GRAMD1C: variants seen among roughly 807,000 people sequenced by gnomAD.
The protein encoded by GRAMD1C is protein Aster-C.
GRAMD1C carries 89 observed loss-of-function variants against 97.8 expected under a neutral mutation model. That is an observed-to-expected ratio of 0.91 (90% CI 0.77 to 1.09). The LOEUF is 1.09. Ranked by LOEUF, GRAMD1C falls within the 50% of genes least tolerant of loss-of-function variation. The pLI, the probability that GRAMD1C is intolerant of heterozygous loss-of-function variation, is 0.00. For missense variants in GRAMD1C, 740 were observed against 766.4 expected (o/e 0.97, Z 0.41); for synonymous variants, 256 against 267.0 (o/e 0.96, Z 0.40).
At chr3:113,832,456 C>A (rs1709571850) in intron 1 of GRAMD1C, among the ~76,000 whole-genome samples, 1 of 152,120 alleles carries the variant, frequency 6.6e-6, no homozygotes. Context: ...GTAAAATATA[C>A]ACAAGATAAA....
chr3:113,866,563 T>G (rs1393595710), intron 2 of GRAMD1C, among the ~76,000 whole-genome samples: 1 of 152,242 alleles, frequency 6.6e-6, no homozygotes, highest in Non-Finnish European at 1.5e-5. Context: ...ATAACCATTT[T>G]GCTATTTATG....
intron 17 of GRAMD1C, 41 bp downstream of exon 17, chr3:113,940,386 C>T (rs750447756): frequency 1.4e-5 from 15 of 1,058,712 alleles, no homozygotes; most frequent in Non-Finnish European, 4.4e-6. Context: ...TATCTTTGTC[C>T]CAGTATGAAT....
At chr3:113,926,563 T>C (rs1195124189) in intron 10 of GRAMD1C, among the ~76,000 whole-genome samples, 1 of 152,210 alleles carries the variant, frequency 6.6e-6, no homozygotes, top group African/African-American at 2.4e-5. Flanking sequence ...AGTATAATTG[T>C]TTGGAGGTAG....
At chr3:113,896,246 C>A (rs945768637) in intron 6 of GRAMD1C, among the ~76,000 whole-genome samples, 3 of 152,158 alleles carry the variant, frequency 2.0e-5, no homozygotes, top group African/African-American at 7.2e-5. Flanking sequence ...CTTTCGGCAG[C>A]GTTAGATACC....
At chr3:113,938,188 A>G in intron 15 of GRAMD1C, 45 bp downstream of exon 15, 2 of 889,918 alleles carry the variant, frequency 2.2e-6, no homozygotes, top group South Asian at 1.7e-5. Flanking sequence ...TTCAGCATTT[A>G]TCTTTAACTA....
chr3:113,885,125 C>G, intron 6 of GRAMD1C, among the ~76,000 whole-genome samples: 1 of 152,002 alleles, frequency 6.6e-6, no homozygotes, highest in Non-Finnish European at 1.5e-5. Context: ...TTCCGCTGGG[C>G]TTTCCCCTCG....
At chr3:113,884,856 A>G (rs1935393159) in intron 6 of GRAMD1C, among the ~76,000 whole-genome samples, 1 of 150,252 alleles carries the variant, frequency 6.7e-6, no homozygotes, top group Non-Finnish European at 1.5e-5. Context: ...AAAAAAAAAA[A>G]GAAAAAAGAG....
intron 5 of GRAMD1C, among the ~76,000 whole-genome samples, chr3:113,881,248 G>A (rs1026828563): frequency 2.6e-5 from 4 of 152,206 alleles, no homozygotes; most frequent in South Asian, 2.1e-4. Context: ...TCCGCCTCCC[G>A]GGTTCAAGCG....
chr3:113,893,993 T>A (rs1454735181), intron 6 of GRAMD1C, among the ~76,000 whole-genome samples: 6 of 152,210 alleles, frequency 3.9e-5, no homozygotes, highest in African/African-American at 1.4e-4. Context: ...TATATTTAAT[T>A]CAATTTCTTT....
At chr3:113,878,540 A>ATG (rs1935137512) in intron 5 of GRAMD1C, among the ~76,000 whole-genome samples, 1 of 152,224 alleles carries the variant, frequency 6.6e-6, no homozygotes, top group Non-Finnish European at 1.5e-5. Flanking sequence ...CATAATGCAT[A>ATG]CACATATATA....
chr3:113,920,758 G>C (rs1261020765), intron 10 of GRAMD1C, among the ~76,000 whole-genome samples: 1 of 152,054 alleles, frequency 6.6e-6, no homozygotes, highest in African/African-American at 2.4e-5. Context: ...GGCCAGGCTG[G>C]TCTTGAACAC....
intron 17 of GRAMD1C, among the ~76,000 whole-genome samples, chr3:113,944,044 C>T (rs1473979908): frequency 6.6e-6 from 1 of 152,202 alleles, no homozygotes; most frequent in Non-Finnish European, 1.5e-5. Flanking sequence ...ATCTTATTCA[C>T]ACCCCTAACT....
intron 2 of GRAMD1C, among the ~76,000 whole-genome samples, chr3:113,860,086 A>G (rs914862248): frequency 4.6e-5 from 7 of 152,214 alleles, no homozygotes; most frequent in Non-Finnish European, 1.0e-4. Flanking sequence ...TAGTGATGCA[A>G]TCTTGACTCA....
chr3:113,874,714 T>C (rs866332201), intron 3 of GRAMD1C, among the ~76,000 whole-genome samples: 29 of 152,158 alleles, frequency 1.9e-4, no homozygotes, highest in Admixed American at 1.9e-3. Context: ...TTGACCCCTC[T>C]TTACTTTTGT....
chr3:113,923,696 C>G (rs1371967518), intron 10 of GRAMD1C, among the ~76,000 whole-genome samples: 1 of 152,128 alleles, frequency 6.6e-6, no homozygotes, highest in African/African-American at 2.4e-5. Context: ...ATTTTTGCAT[C>G]AATACTCATC....
chr3:113,833,390 G>T (rs1409478147), intron 1 of GRAMD1C, among the ~76,000 whole-genome samples: 1 of 151,906 alleles, frequency 6.6e-6, no homozygotes, highest in East Asian at 1.9e-4. Context: ...TGCCCCCTCA[G>T]CCTTCCAAAG....
intron 13 of GRAMD1C, among the ~76,000 whole-genome samples, chr3:113,935,499 T>TACACACAC (rs1491420187): frequency 6.6e-6 from 1 of 150,454 alleles, no homozygotes; most frequent in African/African-American, 2.5e-5. Flanking sequence ...TATATATATA[T>TACACACAC]ATACACACAC....
At chr3:113,930,033 C>T (rs951098729) in intron 10 of GRAMD1C, among the ~76,000 whole-genome samples, 1 of 152,094 alleles carries the variant, frequency 6.6e-6, no homozygotes, top group Non-Finnish European at 1.5e-5. Flanking sequence ...ATGAAATGAC[C>T]TTCACTGTGT....
chr3:113,864,403 C>T (rs749488673), intron 2 of GRAMD1C, among the ~76,000 whole-genome samples: 43 of 152,270 alleles, frequency 2.8e-4, no homozygotes, highest in African/African-American at 4.8e-4. Context: ...CATGAGCCAC[C>T]GCGCCGGCCT....
Sources: gnomAD v4.1 joint callset for allele counts (sites outside exome capture counted in the v4.1 genomes callset) on GRCh38, gnomAD v4.1.1 for gene constraint, MANE v1.5 for transcripts, NCBI Gene and HGNC (gene_info 2026-07-23, HGNC 2026-07-21) for gene names.